Variants in PAX6 observed in about 807,000 individuals in gnomAD.
PAX6 encodes paired box protein Pax-6.
A neutral mutation model predicts 60.7 loss-of-function variants in PAX6; 7 were observed. The observed-to-expected ratio is 0.12, with a 90% confidence interval of 0.07 to 0.22. The LOEUF (loss-of-function observed/expected upper bound fraction) is 0.22, where lower values mean the gene tolerates loss of function less well. Among genes scored for constraint, PAX6 ranks in the 10% least tolerant of loss-of-function variants. The pLI is 1.00. For missense variants in PAX6, 355 were observed against 555.2 expected, an observed-to-expected ratio of 0.64 and a Z score of 3.62; for synonymous variants, 208 against 201.2, an observed-to-expected ratio of 1.03 and a Z score of -0.29.
chr11:31,813,562 C>A (rs1957234654), upstream of PAX6, among the ~76,000 whole-genome samples: 1 of 152,078 alleles, frequency 6.6e-6, no homozygotes, highest in Non-Finnish European at 1.5e-5. Flanking sequence ...GCTCCTTCTC[C>A]CACCCCTCCA....
At chr11:31,805,200 C>T (rs1250740665) in intron 4 of PAX6, 1 of 152,300 alleles carries the variant, frequency 6.6e-6, no homozygotes, top group African/African-American at 2.4e-5. Context: ...GCGACAAACG[C>T]TCAGGGCTGC....
chr11:31,791,535 A>G (rs1327887556), intron 12 of PAX6: 2 of 156,082 alleles, frequency 1.3e-5, no homozygotes, highest in Non-Finnish European at 2.8e-5. Context: ...GGCAGCACTG[A>G]GGAGGTAAAC....
At chr11:31,794,197 C>A (rs1950743851) in intron 9 of PAX6, 83 bp from the exon 10 acceptor site, 1 of 884,432 alleles carries the variant, frequency 1.1e-6, no homozygotes, top group African/African-American at 1.6e-5. Context: ...CTGGTTCCCA[C>A]CTCCCCACTC....
chr11:31,802,946 G>C, intron 4 of PAX6, 112 bp from the exon 5 acceptor site: 1 of 1,077,638 alleles, frequency 9.3e-7, no homozygotes, highest in Admixed American at 2.0e-5. Flanking sequence ...GAACAGAAAG[G>C]AGAGGAGGAA....
intron 4 of PAX6, chr11:31,805,419 G>C (rs528283567): frequency 6.6e-6 from 1 of 152,638 alleles, no homozygotes; most frequent in African/African-American, 2.4e-5. Context: ...GGCGACCGGC[G>C]TTTCCAAAAC....
intron 8 of PAX6, among the ~76,000 whole-genome samples, chr11:31,796,690 G>A (rs567682624): frequency 9.9e-5 from 15 of 152,026 alleles, no homozygotes; most frequent in African/African-American, 3.6e-4. Flanking sequence ...GGGAAAAGAA[G>A]GCTCAAAAAA....
At chr11:31,816,121 C>G (rs1004701553), upstream of PAX6, 1 of 154,762 alleles carries the variant, frequency 6.5e-6, no homozygotes, top group East Asian at 1.9e-4. Flanking sequence ...CCTGCACGCG[C>G]GGCGCGGCCC....
At chr11:31,793,415 A>G (rs773214146) in intron 12 of PAX6, 23 bp downstream of exon 12, 2 of 1,601,592 alleles carry the variant, frequency 1.2e-6, no homozygotes, top group Non-Finnish European at 1.7e-6. Flanking sequence ...TGGGTTATGC[A>G]GGCCACCACC....
Position 31,794,765 on chromosome 11 carries a change from C to G in PAX6, c.589G>C (p.Gly197Arg), listed in dbSNP as rs886048202. Residue 197 changes from glycine to arginine, a missense_variant, in exon 9 of 14, where the codon GGG becomes CGG. Transcript: ENST00000640368. ...TQDGCQQQEG[G>R]GENTNSISSN... ...CTGATGGAGTTGGTATTCTCTCCCC[C>G]TCCTTCCTGTTGCTGGCAGCCATCT... The G allele has an allele frequency of 1.9e-6, 3 of 1,614,150 alleles. No homozygotes were observed. The highest frequency in any genetic ancestry group is 2.5e-6 in the Non-Finnish European group (3 of 1,180,012).
At chr11:31,792,512 G>A (rs1483641929) in intron 12 of PAX6, 1 of 152,270 alleles carries the variant, frequency 6.6e-6, no homozygotes, top group African/African-American at 2.4e-5. Flanking sequence ...ACTGTTTCCA[G>A]CAGAGGCTCA....
chr11:31,803,284 C>A (rs1220417290), intron 4 of PAX6: 1 of 215,582 alleles, frequency 4.6e-6, no homozygotes, highest in Non-Finnish European at 9.5e-6. Context: ...CGCTAAGAAC[C>A]GGCTCTATAA....
chr11:31,816,627 G>A (rs1403638104), intron 1 of PAX6: 1 of 702,486 alleles, frequency 1.4e-6, no homozygotes, highest in Non-Finnish European at 2.6e-6. Context: ...CGGAGGAGAG[G>A]ATCCCGGCCC....
intron 12 of PAX6, chr11:31,793,079 A>G (rs1950393480): frequency 5.0e-6 from 3 of 598,536 alleles, no homozygotes; most frequent in Non-Finnish European, 8.9e-6. Context: ...ATTTTAAACT[A>G]CTAATCTGCT....
Position 31,789,691 on chromosome 11 carries a change from T to A in PAX6, c.*243A>T, listed in dbSNP as rs980237683. 2 of 702,612 alleles carry A rather than the reference T, an allele frequency of 2.8e-6. No homozygotes were observed. The highest frequency in any genetic ancestry group is 3.5e-5 in the African/African-American group (2 of 57,172). The allele number at this position is 702,612 out of a possible 1,614,324, so 43.5% of individuals were successfully genotyped here. ...CCCATTTACAAATAATACACCAAAA[T>A]GAATAAAAGTTTGGATACCAAAATG... is the stretch of plus-strand genomic sequence containing the variant. On this transcript the variant is annotated 3_prime_UTR_variant, in exon 14 of 14. Transcript: ENST00000640368.
rs369866279 is a variant in PAX6 at position 31,794,133 on chromosome 11, T to G, written c.725-19A>C. 1.3e-6 allele frequency: 2 copies of G among 1,545,856 alleles called. No homozygotes were observed. Among genetic ancestry groups the G allele is most frequent in the African/African-American group, 2.7e-5 (2 of 73,632 alleles). On this transcript the variant is annotated intron_variant, in intron 9 of 13. Coordinates refer to ENST00000640368, the MANE Select transcript of PAX6 (RefSeq NM_001368894.2). ...TCAAACTCTGAAAGAGTAAGTTGATTTTCCATATTGTGCCAGAACTACACA... is the reference window on the plus strand; with the variant it reads ...TCAAACTCTGAAAGAGTAAGTTGATGTTCCATATTGTGCCAGAACTACACA...
intron 5 of PAX6, 78 bp from the exon 6 acceptor site, chr11:31,801,990 C>A: frequency 8.9e-7 from 1 of 1,127,766 alleles, no homozygotes; most frequent in South Asian, 1.3e-5. Context: ...ACATTTGTAG[C>A]CCTAAAAACT....
Position 31,800,633 on chromosome 11 carries a change from G to A in PAX6, c.565+58C>T. Reference sequence around the variant, plus strand: ...TGAGAGGAAATGGTTGGGAGAGTAGGGGACAGGCAAAGGGATGCACATATG... The same window carrying A: ...TGAGAGGAAATGGTTGGGAGAGTAGAGGACAGGCAAAGGGATGCACATATG... On this transcript the variant is annotated intron_variant, in intron 8 of 13. Coordinates refer to ENST00000640368, the MANE Select transcript of PAX6 (RefSeq NM_001368894.2). 4 of 1,591,680 alleles carry A rather than the reference G, an allele frequency of 2.5e-6. No homozygotes were observed. In the South Asian group the frequency reaches 3.3e-5, roughly 13 times the overall value.
intron 4 of PAX6, chr11:31,806,087 G>A (rs1955710261): frequency 9.3e-6 from 4 of 428,310 alleles, no homozygotes; most frequent in Non-Finnish European, 1.6e-5. Flanking sequence ...CGGGGTCAGA[G>A]CCCGGGCAGG....
chr11:31,817,401 A>C (rs1957430121), intron 1 of PAX6, among the ~76,000 whole-genome samples: 1 of 152,210 alleles, frequency 6.6e-6, no homozygotes, highest in African/African-American at 2.4e-5. Flanking sequence ...GCGGGTACGG[A>C]CTTTCCCAAG....
Sources: allele counts gnomAD v4.1 joint callset (sites outside exome capture counted in the v4.1 genomes callset), GRCh38; gene constraint gnomAD v4.1.1; transcripts MANE v1.5; gene names NCBI Gene and HGNC (gene_info 2026-07-23, HGNC 2026-07-21).